Variants in PRICKLE2 observed in about 807,000 individuals in gnomAD.
PRICKLE2 encodes prickle-like protein 2.
A neutral mutation model predicts 81.4 loss-of-function variants in PRICKLE2; 21 were observed. The observed-to-expected ratio is 0.26, with a 90% CI of 0.18 to 0.37. The LOEUF (loss-of-function observed/expected upper bound fraction) is 0.37, where lower values mean the gene tolerates loss of function less well. PRICKLE2 is among the 10% of genes least tolerant of loss of function. PRICKLE2 has a pLI of 1.00. For synonymous variants in PRICKLE2, 456 were observed against 421.5 expected, an observed-to-expected ratio of 1.08 and a Z score of -1.00; for missense variants, 940 against 1,109.0, an observed-to-expected ratio of 0.85 and a Z score of 2.16.
chr3:64,200,339 T>C (rs536702148), intron 1 of PRICKLE2: 16 of 152,362 alleles, frequency 1.1e-4, no homozygotes, highest in African/African-American at 3.8e-4. Flanking sequence ...TGCCATTGTA[T>C]AGATATACCA....
intron 2 of PRICKLE2, among the ~76,000 whole-genome samples, chr3:64,243,377 T>C (rs1021760299): frequency 2.6e-5 from 4 of 152,212 alleles, no homozygotes; most frequent in Admixed American, 2.6e-4. Context: ...CTTTCCCCAG[T>C]CGTGAAAACC....
rs1161217452 is a variant in PRICKLE2 at position 64,147,566 on chromosome 3, C to A, written c.924G>T (p.Arg308=). ...TGGGGTCTTCCCCAGCACTGCAGGC[C>A]CGTGAGCAGAATATCTGGCCCTGCT... ...LPKQGQIFCS[R]ACSAGEDPNG... Residue 308 remains arginine (R), a synonymous_variant, in exon 7 of 8, where the codon CGG becomes CGT. Coordinates refer to ENST00000638394, the MANE Select transcript of PRICKLE2 (RefSeq NM_198859.4). The surrounding 1 kb of genome is among the most constrained non-coding windows in gnomAD (Gnocchi z 5.0). 11 of 1,614,228 alleles carry A rather than the reference C, an allele frequency of 6.8e-6. No individual in the cohort carries two copies. Among genetic ancestry groups the A allele is most frequent in the Non-Finnish European group, 9.3e-6 (11 of 1,180,046 alleles).
intron 7 of PRICKLE2, chr3:64,145,742 G>C (rs2077439796): frequency 6.6e-6 from 1 of 151,974 alleles, no homozygotes; most frequent in Admixed American, 6.6e-5. Context: ...GGATGCTTTG[G>C]TGCCCCAGGC....
At chr3:64,152,732 G>T (rs2077567502) in intron 6 of PRICKLE2, among the ~76,000 whole-genome samples, 1 of 152,144 alleles carries the variant, frequency 6.6e-6, no homozygotes, top group South Asian at 2.1e-4. Context: ...AGCCTCGGTT[G>T]TGGGACTGTA....
At chr3:64,109,416 C>T (rs1174774600) in intron 7 of PRICKLE2, among the ~76,000 whole-genome samples, 1 of 152,180 alleles carries the variant, frequency 6.6e-6, no homozygotes, top group African/African-American at 2.4e-5. Flanking sequence ...CAGCCACTGG[C>T]CTATCTAGCA....
At chr3:64,153,637 G>C (rs1449116058) in intron 5 of PRICKLE2, 1 of 439,470 alleles carries the variant, frequency 2.3e-6, no homozygotes, top group Non-Finnish European at 4.2e-6. Context: ...TTCTACCCTG[G>C]AGAATATAAG....
upstream of PRICKLE2, among the ~76,000 whole-genome samples, chr3:64,229,989 T>C (rs1173640737): frequency 2.6e-5 from 4 of 152,176 alleles, no homozygotes; most frequent in African/African-American, 9.7e-5. Flanking sequence ...AGGTACTCCA[T>C]TCTAAGTAGC....
At chr3:64,165,205 G>A (rs542862002) in intron 2 of PRICKLE2, among the ~76,000 whole-genome samples, 40 of 152,132 alleles carry the variant, frequency 2.6e-4, no homozygotes, top group Non-Finnish European at 5.3e-4. Context: ...CTAGAGCACA[G>A]TCAGGCCTGA....
intron 2 of PRICKLE2, among the ~76,000 whole-genome samples, chr3:64,173,587 C>A (rs182141303): frequency 6.6e-6 from 1 of 152,288 alleles, no homozygotes; most frequent in Admixed American, 6.5e-5. Context: ...ATGAGGCCGG[C>A]TCTAGCATTC....
chr3:64,147,722 T>C lies in PRICKLE2; in HGVS notation c.788-20A>G, dbSNP rs773057901. On this transcript the variant is annotated intron_variant, in intron 6 of 7. Transcript: ENST00000638394. The surrounding 1 kb of genome is among the most constrained non-coding windows in gnomAD (Gnocchi z 5.0). ...CGATACCTAAAAAAATGAGAGACAT[T>C]GGAGAGGCTGATGAGCTGCTCAGAG... is the stretch of plus-strand genomic sequence containing the variant. 13 of 1,613,082 alleles carry C rather than the reference T, an allele frequency of 8.1e-6. No homozygotes were observed. In the Admixed American group the frequency reaches 2.0e-4, roughly 25 times the overall value.
chr3:64,245,194 C>A (rs2079327870), intron 2 of PRICKLE2, among the ~76,000 whole-genome samples: 1 of 152,088 alleles, frequency 6.6e-6, no homozygotes, highest in South Asian at 2.1e-4. Flanking sequence ...AAATAAAGCT[C>A]AACTCCAATT....
At chr3:64,106,036 A>T (rs1269775562) in intron 7 of PRICKLE2, 1 of 152,248 alleles carries the variant, frequency 6.6e-6, no homozygotes, top group East Asian at 1.9e-4. Context: ...AAGAGGGCAG[A>T]AACTGTGCTC....
intron 7 of PRICKLE2, among the ~76,000 whole-genome samples, chr3:64,144,597 G>A (rs893890968): frequency 1.3e-5 from 2 of 152,200 alleles, no homozygotes; most frequent in Admixed American, 6.5e-5. Context: ...AGGGGCAGAC[G>A]TATATCTCCC....
chr3:64,197,575 C>T (rs570369671), intron 2 of PRICKLE2, among the ~76,000 whole-genome samples: 4 of 152,108 alleles, frequency 2.6e-5, no homozygotes, highest in Non-Finnish European at 5.9e-5. Context: ...GAGTTGGAGG[C>T]CATTACCCTT....
At chr3:64,209,510 T>G (rs1220558089) in intron 1 of PRICKLE2, among the ~76,000 whole-genome samples, 1 of 151,956 alleles carries the variant, frequency 6.6e-6, no homozygotes, top group Non-Finnish European at 1.5e-5. Flanking sequence ...ATCCATCCAT[T>G]CATATCTGTA....
At chr3:64,249,769 T>C (rs1003442263) in intron 2 of PRICKLE2, among the ~76,000 whole-genome samples, 1 of 152,240 alleles carries the variant, frequency 6.6e-6, no homozygotes, top group East Asian at 1.9e-4. Context: ...AGTATGTTCC[T>C]ATCTTCCAGA....
rs778551442 is a variant in PRICKLE2 at position 64,157,261 on chromosome 3, C to T, written c.501G>A (p.Glu167=). The T allele has an allele frequency of 6.2e-7, 1 of 1,614,122 alleles. No individual in the cohort carries two copies. The highest frequency in any genetic ancestry group is 1.3e-5 in the African/African-American group (1 of 74,948). ...AAAAGTAGATCAGATCCACCAGGAG[C>T]TCATTGCAGACAGTGCATACGAAGC... The part of the protein sequence containing the change: ...PPCFVCTVCN[E]LLVDLIYFYQ... The change falls in exon 5 of 8, where the codon GAG becomes GAA. Residue 167 remains glutamate (E), a synonymous_variant. Transcript: ENST00000638394.
intron 2 of PRICKLE2, among the ~76,000 whole-genome samples, chr3:64,234,582 A>G (rs1231761692): frequency 6.6e-6 from 1 of 152,174 alleles, no homozygotes; most frequent in African/African-American, 2.4e-5. Context: ...TATATGATTT[A>G]TAAATGTTTT....
At chr3:64,230,888 G>C (rs2079092903) in intron 2 of PRICKLE2, among the ~76,000 whole-genome samples, 1 of 152,172 alleles carries the variant, frequency 6.6e-6, no homozygotes, top group African/African-American at 2.4e-5. Context: ...TCCAAAGAAG[G>C]CAACAGGAAG....
Sources: allele counts gnomAD v4.1 joint callset (sites outside exome capture counted in the v4.1 genomes callset), GRCh38; gene constraint gnomAD v4.1.1; non-coding constraint Gnocchi (gnomAD v3.1); transcripts MANE v1.5; gene names NCBI Gene and HGNC (gene_info 2026-07-23, HGNC 2026-07-21).